The following COL24A1 variants were observed in gnomAD, a reference collection of about 807,000 sequenced individuals.
COL24A1 encodes the protein collagen alpha-1(XXIV) chain.
In COL24A1, 224 loss-of-function variants were observed where a neutral mutation model predicts 253.9. That is an observed-to-expected ratio of 0.88 (90% CI 0.79 to 0.99). COL24A1 has a LOEUF of 0.99. COL24A1 is among the 50% of genes least tolerant of loss of function. The pLI is 0.00. For missense variants in COL24A1, 2,131 were observed against 2,068.5 expected, an observed-to-expected ratio of 1.03 and a Z score of -0.59; for synonymous variants, 685 against 673.7, an observed-to-expected ratio of 1.02 and a Z score of -0.26.
Position 85,786,344 on chromosome 1 carries a change from A to G in COL24A1, c.4059+10T>C. On this transcript the variant is annotated intron_variant, in intron 48 of 59. Transcript: ENST00000370571. ...TACTGCTTACCCATTGGAACAAAAT[A>G]TTAAAGTACCTTTGGGCCTTGAATT... is the stretch of plus-strand genomic sequence containing the variant. 1 of 1,612,818 alleles carries G rather than the reference A, an allele frequency of 6.2e-7. No homozygotes were observed. The highest frequency in any genetic ancestry group is 1.1e-5 in the South Asian group (1 of 90,936).
chr1:86,053,834 T>C (rs934495306), intron 10 of COL24A1, among the ~76,000 whole-genome samples: 2 of 152,232 alleles, frequency 1.3e-5, no homozygotes, highest in South Asian at 2.1e-4. Context: ...TCATGATTCA[T>C]GAAAATATTC....
intron 55 of COL24A1, among the ~76,000 whole-genome samples, chr1:85,760,316 A>G (rs958157355): frequency 6.6e-6 from 1 of 152,138 alleles, no homozygotes; most frequent in East Asian, 1.9e-4. Flanking sequence ...AAGTGCTGGG[A>G]TTACAGGTAC....
At chr1:86,091,386 T>A (rs1488408555) in intron 6 of COL24A1, among the ~76,000 whole-genome samples, 1 of 152,036 alleles carries the variant, frequency 6.6e-6, no homozygotes, top group African/African-American at 2.4e-5. Context: ...TGTAAGCCAA[T>A]GAAAAGATCA....
At chr1:86,005,260 C>T (rs571495889) in intron 19 of COL24A1, among the ~76,000 whole-genome samples, 5 of 152,146 alleles carry the variant, frequency 3.3e-5, no homozygotes, top group African/African-American at 1.2e-4. Context: ...ACATACCAAA[C>T]TTTGCACCTG....
chr1:85,767,498 A>T (rs572241350), intron 53 of COL24A1, among the ~76,000 whole-genome samples: 1 of 152,328 alleles, frequency 6.6e-6, no homozygotes, highest in African/African-American at 2.4e-5. Context: ...AATGATCTCC[A>T]GGAATTAAAA....
chr1:86,007,377 T>C (rs1696073959), intron 19 of COL24A1, among the ~76,000 whole-genome samples: 2 of 152,276 alleles, frequency 1.3e-5, no homozygotes, highest in South Asian at 4.2e-4. Flanking sequence ...CCAGTTGGAA[T>C]GCAAAATGGC....
Position 86,125,938 on chromosome 1 carries a change from A to T in COL24A1, c.398T>A (p.Leu133Ter), listed in dbSNP as rs750946458. The T allele has an allele frequency of 2.6e-5, 42 of 1,613,320 alleles. No homozygotes were observed. The highest frequency in any genetic ancestry group is 8.5e-6 in the Non-Finnish European group (10 of 1,179,768). Residue 133 changes from leucine (L) to a stop codon, truncating the protein, a stop_gained, in exon 3 of 60, where the codon TTA becomes TAA. Coordinates refer to ENST00000370571, the MANE Select transcript of COL24A1 (RefSeq NM_152890.7). LOFTEE classifies it high-confidence loss of function. ...TTTTTTAGGTAGTAATTGTACTCCTAATTGCAGTCTATTTTTATTTCTAAT... is the reference window on the plus strand; with the variant it reads ...TTTTTTAGGTAGTAATTGTACTCCTTATTGCAGTCTATTTTTATTTCTAAT... Reference protein sequence around the residue: ...FSIRNKNRLQLGVQLLPKKLV... With the variant: ...FSIRNKNRLQ
At chr1:85,867,719 A>G (rs1679951901) in intron 37 of COL24A1, among the ~76,000 whole-genome samples, 1 of 152,062 alleles carries the variant, frequency 6.6e-6, no homozygotes, top group African/African-American at 2.4e-5. Flanking sequence ...TAAGCAAAAA[A>G]GATGCTATTT....
At chr1:86,105,779 C>T (rs1704925497) in intron 5 of COL24A1, among the ~76,000 whole-genome samples, 1 of 152,206 alleles carries the variant, frequency 6.6e-6, no homozygotes, top group East Asian at 1.9e-4. Context: ...GAGGGGTCTC[C>T]TCCTGCTGGG....
chr1:86,041,458 T>C (rs1265842743), intron 12 of COL24A1, among the ~76,000 whole-genome samples: 1 of 152,102 alleles, frequency 6.6e-6, no homozygotes, highest in Non-Finnish European at 1.5e-5. Flanking sequence ...GCTAACTTGG[T>C]ACAAGACAGA....
intron 32 of COL24A1, among the ~76,000 whole-genome samples, chr1:85,879,376 C>T (rs1216079428): frequency 1.3e-5 from 2 of 151,964 alleles, no homozygotes; most frequent in East Asian, 3.9e-4. Flanking sequence ...ATTGCCTTTG[C>T]TCCTTTGTCA....
At chr1:85,849,240 A>G (rs1167226979) in intron 38 of COL24A1, 113 bp downstream of exon 38, 5 of 578,802 alleles carry the variant, frequency 8.6e-6, no homozygotes, top group African/African-American at 7.7e-5. Flanking sequence ...AGCAACATTT[A>G]TAATTCTTTA....
intron 7 of COL24A1, among the ~76,000 whole-genome samples, chr1:86,065,347 A>C (rs544864047): frequency 1.3e-5 from 2 of 152,298 alleles, no homozygotes; most frequent in South Asian, 4.1e-4. Flanking sequence ...ACAAAATGCA[A>C]TCGTGGCACA....
chr1:86,090,231 C>T (rs1199229289), intron 6 of COL24A1, among the ~76,000 whole-genome samples: 17 of 152,188 alleles, frequency 1.1e-4, no homozygotes, highest in Non-Finnish European at 1.5e-5. Flanking sequence ...GGCTGGTCCT[C>T]TTCCACTAGC....
chr1:85,941,316 C>T (rs1412303319), intron 24 of COL24A1, among the ~76,000 whole-genome samples: 1 of 151,920 alleles, frequency 6.6e-6, no homozygotes, highest in Non-Finnish European at 1.5e-5. Flanking sequence ...CCGATGCCTC[C>T]CCCCACTGTC....
chr1:85,781,309 T>C (rs895307044), intron 51 of COL24A1, 36 bp from the exon 52 acceptor site: 3 of 1,466,522 alleles, frequency 2.0e-6, no homozygotes, highest in Non-Finnish European at 2.8e-6. Context: ...TCACTGTTAG[T>C]ATAATTAAAA....
At chr1:85,855,835 G>A (rs1288625687) in intron 37 of COL24A1, among the ~76,000 whole-genome samples, 1 of 152,108 alleles carries the variant, frequency 6.6e-6, no homozygotes, top group East Asian at 1.9e-4. Context: ...GGCTTTTCTG[G>A]TTGGTAGGTT....
intron 23 of COL24A1, among the ~76,000 whole-genome samples, 185 bp from the exon 24 acceptor site, chr1:85,961,478 T>TA (rs1458869863): frequency 6.6e-6 from 1 of 151,966 alleles, no homozygotes; most frequent in Non-Finnish European, 1.5e-5. Flanking sequence ...TTTACCTATA[T>TA]AACAAATCTA....
rs988348684 is a variant in COL24A1, at chr1:85,786,481, A to G, written c.3952-20T>C. The G allele has an allele frequency of 6.3e-7, 1 of 1,597,102 alleles. No individual in the cohort carries two copies. ...GATGCCCTAAATAACACAGATAAGA[A>G]ATGAAAACTGGGAAAGTTTCTAAAA... On this transcript the variant is annotated intron_variant, in intron 47 of 59. Transcript: ENST00000370571.
Sources: gnomAD v4.1 joint callset for allele counts (sites outside exome capture counted in the v4.1 genomes callset) on GRCh38, gnomAD v4.1.1 for gene constraint, MANE v1.5 for transcripts, NCBI Gene and HGNC (gene_info 2026-07-23, HGNC 2026-07-21) for gene names.